The following ZFYVE1 variants were observed in gnomAD, a reference collection of about 807,000 sequenced individuals.
ZFYVE1 encodes the protein zinc finger FYVE-type containing 1.
ZFYVE1 carries 30 observed loss-of-function variants against 74.4 expected under a neutral mutation model. The observed-to-expected ratio is 0.40, with a 90% CI of 0.30 to 0.55. The LOEUF (loss-of-function observed/expected upper bound fraction) is 0.55, where lower values mean the gene tolerates loss of function less well. Among genes scored for constraint, ZFYVE1 ranks in the 20% least tolerant of loss-of-function variants. ZFYVE1 has a pLI of 0.42. For missense variants in ZFYVE1, 703 were observed against 1,011.6 expected (o/e 0.69, Z 4.14); for synonymous variants, 335 against 385.1 (o/e 0.87, Z 1.52).
chr14:72,997,655 T>C (rs1893777857), intron 3 of ZFYVE1, among the ~76,000 whole-genome samples, 156 bp downstream of exon 3: 1 of 152,256 alleles, frequency 6.6e-6, no homozygotes, highest in African/African-American at 2.4e-5. Flanking sequence ...GATTGACATG[T>C]TTGATCACTC....
At chr14:73,003,054 CTTTTTT>C (rs201185010) in intron 2 of ZFYVE1, among the ~76,000 whole-genome samples, 3 of 102,970 alleles carry the variant, frequency 2.9e-5, no homozygotes, top group African/African-American at 1.1e-4. Flanking sequence ...TTTTTCTTTT[CTTTTTT>C]TTTTTTTTTT....
chr14:72,994,366 C>T (rs1359774040), intron 3 of ZFYVE1, among the ~76,000 whole-genome samples: 1 of 142,622 alleles, frequency 7.0e-6, no homozygotes, highest in Non-Finnish European at 1.5e-5. Context: ...TACTCTGACT[C>T]AATGTACATG....
rs545962503 is a variant in ZFYVE1 at position 72,975,349 on chromosome 14, G to T, written c.1806+202C>A. On this transcript the variant is annotated intron_variant, in intron 9 of 11. Coordinates refer to ENST00000556143, the MANE Select transcript of ZFYVE1 (RefSeq NM_021260.4). This position sits in a 1 kb window ranked among gnomAD's most constrained non-coding sequence, Gnocchi z 4.1. ...AAAACTCACCAAACAGAAAATACTT[G>T]CAGGAAAACACGAAGGGAAATCAAT... is the stretch of plus-strand genomic sequence containing the variant. The T allele has an allele frequency of 2.0e-5, 13 of 636,034 alleles. 1 individual carries two copies. The South Asian group carries it at 3.0e-4, about 15-fold the overall frequency. The allele number at this position is 636,034 out of a possible 1,614,324, so 39.4% of individuals were successfully genotyped here.
chr14:73,019,584 G>A (rs1376268722), intron 2 of ZFYVE1, among the ~76,000 whole-genome samples: 26 of 152,168 alleles, frequency 1.7e-4, no homozygotes, highest in Admixed American at 1.7e-3. Context: ...ACAGAGCTAT[G>A]GTTCATCGGA....
chr14:72,988,806 C>CAAAAA, intron 4 of ZFYVE1, among the ~76,000 whole-genome samples: 1 of 80,008 alleles, frequency 1.2e-5, no homozygotes, highest in Admixed American at 1.4e-4. Context: ...GACTCTGTCT[C>CAAAAA]AAAAAAAAAA....
In ZFYVE1 at chr14:72,998,197, A is replaced by T. The variant is rs1893793346; in HGVS notation, c.602T>A (p.Phe201Tyr). ...TTTAAAGACTTCACGACCATAAAAG[A>T]AAGTGTGGTTGAGAGTATGAGACTT... ...DGKSHTLNHTFFYGREVFKTS... is the reference protein window; with the variant it reads ...DGKSHTLNHTYFYGREVFKTS... The change falls in exon 3 of 12, where the codon TTC becomes TAC. Residue 201 changes from phenylalanine to tyrosine, a missense_variant. By Grantham distance (22) the Phe-to-Tyr change is conservative. Coordinates refer to ENST00000556143, the MANE Select transcript of ZFYVE1 (RefSeq NM_021260.4). The T allele has an allele frequency of 6.2e-7, 1 of 1,613,980 alleles. No homozygotes were observed. The highest frequency in any genetic ancestry group is 1.7e-5 in the Admixed American group (1 of 59,958).
intron 3 of ZFYVE1, among the ~76,000 whole-genome samples, chr14:72,994,132 G>A (rs1186678574): frequency 6.6e-6 from 1 of 151,268 alleles, no homozygotes; most frequent in African/African-American, 2.4e-5. Context: ...AGACCAGCCT[G>A]GCCAACGTGG....
Position 73,026,914 on chromosome 14 carries a change from CG to C in ZFYVE1, c.-435+11del. ...CCGCCCTGCCCTGCCCGCCGCGGCCCGGGGATCCCACCACTGAGAAGCTCGG... is the reference window on the plus strand; with the variant it reads ...CCGCCCTGCCCTGCCCGCCGCGGCCCGGGATCCCACCACTGAGAAGCTCGG... On this transcript the variant is annotated intron_variant, in intron 1 of 11. Transcript: ENST00000556143. The C allele has an allele frequency of 2.5e-6, 1 of 397,770 alleles. No individual in the cohort carries two copies. The highest frequency in any genetic ancestry group is 4.4e-6 in the Non-Finnish European group (1 of 225,592). The allele number at this position is 397,770 out of a possible 1,614,324, so 24.6% of individuals were successfully genotyped here.
At chr14:72,995,002 A>G (rs1177569862) in intron 3 of ZFYVE1, among the ~76,000 whole-genome samples, 1 of 152,258 alleles carries the variant, frequency 6.6e-6, no homozygotes, top group Non-Finnish European at 1.5e-5. Context: ...GCCATAGCAC[A>G]GATGGATTCA....
intron 8 of ZFYVE1, 117 bp downstream of exon 8, chr14:72,977,810 G>A (rs2286837): frequency 0.013 from 14,854 of 1,122,492 alleles, 417 homozygotes; most frequent in African/African-American, 0.086. Context: ...TTTCTAAACC[G>A]CCAACATTCT....
intron 4 of ZFYVE1, among the ~76,000 whole-genome samples, chr14:72,983,712 T>C (rs1299798213): frequency 6.6e-6 from 1 of 152,224 alleles, no homozygotes; most frequent in African/African-American, 2.4e-5. Flanking sequence ...TTTGGGTATA[T>C]ACCCAGTAAT....
At chr14:73,017,604 T>TAC (rs1894228128) in intron 2 of ZFYVE1, among the ~76,000 whole-genome samples, 1 of 152,194 alleles carries the variant, frequency 6.6e-6, no homozygotes, top group Non-Finnish European at 1.5e-5. Context: ...ACCAAATGCC[T>TAC]ACAAGTCACC....
intron 2 of ZFYVE1, among the ~76,000 whole-genome samples, chr14:73,023,464 T>A (rs1894388977): frequency 7.0e-6 from 1 of 143,726 alleles, no homozygotes; most frequent in Middle Eastern, 3.6e-3. Context: ...TTTATATATA[T>A]AATATATATA....
Position 72,975,287 on chromosome 14 carries a change from T to C in ZFYVE1, c.1806+264A>G. 1.9e-6 allele frequency: 1 copy of C among 536,334 alleles called. No individual in the cohort carries two copies. Among genetic ancestry groups the C allele is most frequent in the Non-Finnish European group, 3.3e-6 (1 of 307,528 alleles). 33.2% of individuals were successfully genotyped at this position (536,334 alleles called of 1,614,324 possible). On this transcript the variant is annotated intron_variant, in intron 9 of 11. Transcript: ENST00000556143. This position sits in a 1 kb window ranked among gnomAD's most constrained non-coding sequence, Gnocchi z 4.1. ...ATTCTTATCTGGGTCCTCACATATC[T>C]AAGCAATATTCACTGGTCGTCACAC...
chr14:72,976,892 C>T (rs1052178029), intron 8 of ZFYVE1, among the ~76,000 whole-genome samples: 5 of 151,926 alleles, frequency 3.3e-5, no homozygotes, highest in African/African-American at 4.8e-5. Context: ...CTAGGCTGAA[C>T]GGTGGCTTTA....
chr14:73,009,344 T>C (rs371098936), intron 2 of ZFYVE1, among the ~76,000 whole-genome samples: 129 of 152,346 alleles, frequency 8.5e-4, no homozygotes, highest in African/African-American at 3.1e-3. Flanking sequence ...CTTAGCACAG[T>C]GGAGGCCCAG....
intron 2 of ZFYVE1, among the ~76,000 whole-genome samples, chr14:73,018,931 C>T (rs1894257765): frequency 1.4e-5 from 2 of 147,352 alleles, no homozygotes; most frequent in African/African-American, 2.5e-5. Flanking sequence ...GTGACAGAGA[C>T]TCCATCTCAA....
intron 2 of ZFYVE1, among the ~76,000 whole-genome samples, chr14:73,005,465 G>A (rs1341164281): frequency 6.6e-6 from 1 of 152,102 alleles, no homozygotes; most frequent in African/African-American, 2.4e-5. Context: ...AACAGCAAAC[G>A]CAGGAGGGAT....
chr14:73,023,330 T>TTATATATGTTTTATATATAA (rs1567366886), intron 2 of ZFYVE1, among the ~76,000 whole-genome samples: 2,859 of 53,940 alleles, frequency 0.053, 205 homozygotes, highest in East Asian at 0.17. Flanking sequence ...ATAATATATA[T>TTATATATGTTTTATATATAA]TATATATGTT....
Sources: gnomAD v4.1 joint callset for allele counts (sites outside exome capture counted in the v4.1 genomes callset) on GRCh38, gnomAD v4.1.1 for gene constraint, Gnocchi (gnomAD v3.1) non-coding constraint, MANE v1.5 for transcripts, NCBI Gene and HGNC (gene_info 2026-07-23, HGNC 2026-07-21) for gene names.